Variants in FRMD4A observed in about 807,000 individuals in gnomAD.
FRMD4A encodes the protein FERM domain-containing protein 4A.
In FRMD4A, 29 loss-of-function variants were observed where a neutral mutation model predicts 129.1. The observed-to-expected ratio is 0.22, with a 90% confidence interval of 0.17 to 0.31. The LOEUF (loss-of-function observed/expected upper bound fraction) is 0.31. Ranked by LOEUF, FRMD4A falls within the 10% of genes least tolerant of loss-of-function variation. The pLI is 1.00. For missense variants in FRMD4A, 1,272 were observed against 1,375.8 expected (o/e 0.92, Z 1.19); for synonymous variants, 634 against 571.6 (o/e 1.11, Z -1.56).
chr10:13,903,874 T>C (rs1589225179), intron 2 of FRMD4A, among the ~76,000 whole-genome samples: 1 of 151,686 alleles, frequency 6.6e-6, no homozygotes, highest in Admixed American at 6.6e-5. Flanking sequence ...CAGCGACAGC[T>C]TGTCTCTTAA....
At chr10:13,839,821 G>A (rs1198446769) in intron 3 of FRMD4A, among the ~76,000 whole-genome samples, 5 of 152,210 alleles carry the variant, frequency 3.3e-5, no homozygotes, top group African/African-American at 7.2e-5. Context: ...CTGAGCCGGC[G>A]TGTGCTGCCC....
intron 14 of FRMD4A, among the ~76,000 whole-genome samples, chr10:13,697,038 A>C (rs997687680): frequency 2.0e-5 from 3 of 152,200 alleles, no homozygotes; most frequent in African/African-American, 7.2e-5. Flanking sequence ...CCCTTGTCAT[A>C]CCAGAACTCT....
chr10:13,761,258 A>T (rs76412006), intron 8 of FRMD4A, among the ~76,000 whole-genome samples: 1 of 152,200 alleles, frequency 6.6e-6, no homozygotes, highest in Non-Finnish European at 1.5e-5. Context: ...CAGGGACTAC[A>T]TTGAGAGAAA....
At chr10:13,789,559 C>CACACACACACACACACACAA (rs1491584017) in intron 5 of FRMD4A, among the ~76,000 whole-genome samples, 3 of 15,734 alleles carry the variant, frequency 1.9e-4, no homozygotes, top group Non-Finnish European at 4.9e-4. Context: ...ATGAAAAGAC[C>CACACACACACACACACACAA]ACACACACAC....
chr10:14,289,497 A>G (rs1162815607), intron 2 of FRMD4A, among the ~76,000 whole-genome samples: 2 of 152,118 alleles, frequency 1.3e-5, no homozygotes, highest in East Asian at 1.9e-4. Flanking sequence ...TTTGCAATTC[A>G]GTTGTAGGAG....
intron 9 of FRMD4A, among the ~76,000 whole-genome samples, chr10:13,743,400 C>G (rs10737079): frequency 6.6e-6 from 1 of 152,062 alleles, no homozygotes; most frequent in South Asian, 2.1e-4. Context: ...TTTGTGAAGT[C>G]GACTCCTAGA....
intron 2 of FRMD4A, among the ~76,000 whole-genome samples, chr10:14,047,656 C>T (rs1243768250): frequency 6.6e-6 from 1 of 152,176 alleles, no homozygotes; most frequent in East Asian, 1.9e-4. Context: ...GGAAACAAAA[C>T]TGACTGTAGA....
At chr10:14,270,637 G>A (rs1845132445) in intron 2 of FRMD4A, among the ~76,000 whole-genome samples, 1 of 152,156 alleles carries the variant, frequency 6.6e-6, no homozygotes, top group South Asian at 2.1e-4. Context: ...CTCATGATAG[G>A]TGCCATTATG....
At position 13,743,296 on chromosome 10, in the gene FRMD4A, A is replaced by T. The variant is rs561890616; in HGVS notation, c.549-2719T>A. Reference sequence around the variant, plus strand: ...GGCCCAGCCTCACTAATCCTGCAGAACTGCGTCAGGAGGTTCAGCGGCTCC... The same window carrying T: ...GGCCCAGCCTCACTAATCCTGCAGATCTGCGTCAGGAGGTTCAGCGGCTCC... On this transcript the variant is annotated intron_variant, in intron 9 of 24. Coordinates refer to ENST00000357447, the MANE Select transcript of FRMD4A (RefSeq NM_018027.5). Among the ~76,000 whole-genome samples the T allele has an allele frequency of 3.9e-5, 6 of 152,256 alleles. No individual in the cohort carries two copies. The East Asian group carries it at 1.2e-3, about 29-fold the overall frequency.
At chr10:14,038,857 C>G (rs1833629317) in intron 2 of FRMD4A, among the ~76,000 whole-genome samples, 2 of 152,214 alleles carry the variant, frequency 1.3e-5, no homozygotes. Context: ...CTCTGTTACT[C>G]TCCTGCGAAT....
At chr10:14,186,903 TGAGCCCA>T (rs1013235130) in intron 2 of FRMD4A, among the ~76,000 whole-genome samples, 12 of 151,110 alleles carry the variant, frequency 7.9e-5, no homozygotes, top group African/African-American at 2.9e-4. Context: ...GAAGACTGCT[TGAGCCCA>T]GGAGTTTTGA....
At chr10:14,176,985 C>G (rs1841752239) in intron 2 of FRMD4A, among the ~76,000 whole-genome samples, 1 of 152,166 alleles carries the variant, frequency 6.6e-6, no homozygotes, top group South Asian at 2.1e-4. Flanking sequence ...CCATGTGCTA[C>G]ATTTAGCTTC....
intron 2 of FRMD4A, among the ~76,000 whole-genome samples, chr10:14,206,820 A>AAAAAAAAAAAAAAAAAAAAAG (rs1429238276): frequency 7.9e-5 from 10 of 127,382 alleles, no homozygotes; most frequent in South Asian, 2.6e-4. Context: ...AAAAAAAAAA[A>AAAAAAAAAAAAAAAAAAAAAG]AGAGAGACAG....
chr10:13,992,738 G>T (rs2095607652), intron 2 of FRMD4A, among the ~76,000 whole-genome samples: 1 of 152,082 alleles, frequency 6.6e-6, no homozygotes, highest in African/African-American at 2.4e-5. Flanking sequence ...CGGATCACCT[G>T]AGGTCAGGAG....
chr10:13,805,592 G>T (rs2093344816), intron 4 of FRMD4A, among the ~76,000 whole-genome samples: 1 of 152,136 alleles, frequency 6.6e-6, no homozygotes, highest in Non-Finnish European at 1.5e-5. Flanking sequence ...TGTTTCTGCT[G>T]AATAGCTTAA....
chr10:13,759,730 ATTATGT>A (rs2091995175), intron 8 of FRMD4A, among the ~76,000 whole-genome samples: 1 of 152,226 alleles, frequency 6.6e-6, no homozygotes, highest in Non-Finnish European at 1.5e-5. Flanking sequence ...ACCTGAAAAC[ATTATGT>A]TTAGCAAATT....
intron 2 of FRMD4A, among the ~76,000 whole-genome samples, chr10:13,968,500 T>G (rs1412187982): frequency 6.6e-6 from 1 of 152,254 alleles, no homozygotes; most frequent in Non-Finnish European, 1.5e-5. Context: ...TCACCCAGGC[T>G]GGAGCGCAAT....
chr10:13,837,031 A>G (rs2093887260), intron 3 of FRMD4A, among the ~76,000 whole-genome samples: 1 of 152,010 alleles, frequency 6.6e-6, no homozygotes, highest in Admixed American at 6.6e-5. Context: ...TGCTGGGATT[A>G]CAGGCATGAG....
At chr10:14,320,528 A>G (rs1477837283) in intron 2 of FRMD4A, among the ~76,000 whole-genome samples, 5 of 152,052 alleles carry the variant, frequency 3.3e-5, no homozygotes, top group Non-Finnish European at 7.4e-5. Context: ...TTTTCTACAA[A>G]CCATGTGGAC....
Sources: allele counts gnomAD v4.1 joint callset (sites outside exome capture counted in the v4.1 genomes callset), GRCh38; gene constraint gnomAD v4.1.1; transcripts MANE v1.5; gene names NCBI Gene and HGNC (gene_info 2026-07-23, HGNC 2026-07-21).